TSPOAP1: variants seen among roughly 807,000 people sequenced by gnomAD.
The protein encoded by TSPOAP1 is peripheral-type benzodiazepine receptor-associated protein 1.
TSPOAP1 carries 87 observed loss-of-function variants against 197.0 expected under a neutral mutation model. The ratio of observed to expected loss-of-function variants is 0.44; its 90% CI spans 0.37 to 0.53. TSPOAP1 has a LOEUF of 0.53. Ranked by LOEUF, TSPOAP1 falls within the 20% of genes least tolerant of loss-of-function variation. The pLI, the probability that TSPOAP1 is intolerant of heterozygous loss-of-function variation, is 0.00. For synonymous variants in TSPOAP1, 913 were observed against 998.9 expected, an observed-to-expected ratio of 0.91 and a Z score of 1.62; for missense variants, 2,174 against 2,411.3, an observed-to-expected ratio of 0.90 and a Z score of 2.06.
At position 58,308,840 on chromosome 17, in the gene TSPOAP1, G is replaced by C; in HGVS notation, c.4432C>G (p.Arg1478Gly). ...AGGCCAGGCTCCAGCGCCCGGCCAC[G>C]GGAGCACCTCCGGGAAGGGCCCAGC... ...GRLGPSRRCS[R>G]GRALEPGLAS... is the part of the protein sequence containing the mutation. The change falls in exon 22 of 32, where the codon CGT becomes GGT. Residue 1478 changes from arginine (R) to glycine (G), a missense_variant. Coordinates refer to ENST00000343736, the MANE Select transcript of TSPOAP1 (RefSeq NM_004758.4). 1 of 1,611,462 alleles carries C rather than the reference G, an allele frequency of 6.2e-7. No individual in the cohort carries two copies. Among genetic ancestry groups the C allele is most frequent in the South Asian group, 1.1e-5 (1 of 90,970 alleles).
Position 58,325,617 on chromosome 17 carries a change from C to T in TSPOAP1, c.667G>A (p.Ala223Thr). Reference sequence around the variant, plus strand: ...ATCTGCTTGTCCTTGGCCAGCAGTGCACTGGCTGTCTCACTGAGGTCCCGG... The same window carrying T: ...ATCTGCTTGTCCTTGGCCAGCAGTGTACTGGCTGTCTCACTGAGGTCCCGG... ...RARDLSETAS[A>T]LLAKDKQIAA... The change falls in exon 4 of 32, where the codon GCA (alanine) becomes ACA (threonine). Residue 223 changes from alanine (A) to threonine (T), a missense_variant. By Grantham distance (58) the Ala-to-Thr change is moderately conservative. Transcript: ENST00000343736. 1 of 1,613,670 alleles carries T rather than the reference C, an allele frequency of 6.2e-7. No individual in the cohort carries two copies. Among genetic ancestry groups the T allele is most frequent in the Non-Finnish European group, 8.5e-7 (1 of 1,180,018 alleles).
chr17:58,315,262 G>A (rs1306019404), intron 16 of TSPOAP1, among the ~76,000 whole-genome samples: 1 of 152,214 alleles, frequency 6.6e-6, no homozygotes, highest in Non-Finnish European at 1.5e-5. Context: ...AGCTTCCAGG[G>A]TTACAGATTC....
chr17:58,320,086 G>A (rs771275415), intron 12 of TSPOAP1, 23 bp downstream of exon 12: 3 of 1,614,118 alleles, frequency 1.9e-6, no homozygotes, highest in African/African-American at 2.7e-5. Context: ...AGAGGTGTGG[G>A]GAAGTGGAGA....
intron 12 of TSPOAP1, among the ~76,000 whole-genome samples, chr17:58,319,700 G>A (rs560237005): frequency 1.2e-4 from 19 of 152,318 alleles, no homozygotes; most frequent in African/African-American, 3.8e-4. Flanking sequence ...ACTCAAACCC[G>A]TTCCCTGAGA....
intron 20 of TSPOAP1, 80 bp downstream of exon 20, chr17:58,310,432 C>A: frequency 6.4e-7 from 1 of 1,568,982 alleles, no homozygotes; most frequent in Non-Finnish European, 8.7e-7. Flanking sequence ...GCAGAGAGGG[C>A]AACTGGATTT....
chr17:58,319,034 T>C (rs914115162), intron 13 of TSPOAP1, 56 bp downstream of exon 13: 1 of 1,441,066 alleles, frequency 6.9e-7, no homozygotes, highest in Non-Finnish European at 9.2e-7. Flanking sequence ...CTCCCTGCTC[T>C]ATCCAAAAGC....
In TSPOAP1 at chr17:58,319,173, A is replaced by G. The variant is rs1372747468; in HGVS notation, c.1616T>C (p.Leu539Pro). The change falls in exon 13 of 32, where the codon CTG becomes CCG. Residue 539 changes from leucine to proline, a missense_variant. This residue lies in a region of TSPOAP1 where 1,933 missense variants were observed against 2,139.0 expected (regional missense o/e 0.90). Transcript: ENST00000343736. ...PGPLDLLTSA[L>P]DCGSLGDCPP... ...GCAGTCTCCAAGGCTCCCACAGTCC[A>G]GGGCAGATGTGAGCAGATCCAAGGG... is the stretch of plus-strand genomic sequence containing the variant. 2 of 1,570,946 alleles carry G rather than the reference A, an allele frequency of 1.3e-6. No homozygotes were observed. Among genetic ancestry groups the G allele is most frequent in the Admixed American group, 1.8e-5 (1 of 54,056 alleles).
At chr17:58,308,171 G>T (rs191794274) in intron 22 of TSPOAP1, among the ~76,000 whole-genome samples, 5 of 152,342 alleles carry the variant, frequency 3.3e-5, no homozygotes, top group African/African-American at 1.2e-4. Flanking sequence ...ATGGAGTAGA[G>T]GGGACTGGAG....
Position 58,307,680 on chromosome 17 carries a change from G to A in TSPOAP1, c.4914C>T (p.Pro1638=), listed in dbSNP as rs780942701. 20 of 1,614,040 alleles carry A rather than the reference G, an allele frequency of 1.2e-5. No homozygotes were observed. The Admixed American group carries it at 1.7e-4, about 13-fold the overall frequency. The stretch of plus-strand genomic sequence containing the variant: ...CATCAGGATTGGGCGACATTGACAC[G>A]GGGTCATAGTCAAACAGAGCCACAA... ...RIFVALFDYD[P]VSMSPNPDAG... Residue 1638 remains proline, a synonymous_variant, in exon 24 of 32, where the codon CCC becomes CCT. Coordinates refer to ENST00000343736, the MANE Select transcript of TSPOAP1 (RefSeq NM_004758.4).
At chr17:58,323,195 C>T (rs1275903501) in intron 7 of TSPOAP1, 103 bp downstream of exon 7, 3 of 1,498,246 alleles carry the variant, frequency 2.0e-6, no homozygotes, top group Non-Finnish European at 2.8e-6. Context: ...AAAATGTGTT[C>T]TTGAGGGCAG....
Position 58,327,952 on chromosome 17 carries a change from G to A in TSPOAP1, c.-32C>T, listed in dbSNP as rs749938385. The A allele has an allele frequency of 1.3e-5, 20 of 1,538,986 alleles. No homozygotes were observed. The highest frequency in any genetic ancestry group is 1.2e-4 in the East Asian group (5 of 43,062). ...GCCAAGGGGCCCCAGAACCCGGGCC[G>A]GGGGACATCACCCAGCCAGGTGGGG... is the stretch of plus-strand genomic sequence containing the variant. On this transcript the variant is annotated 5_prime_UTR_variant, in exon 1 of 32. Transcript: ENST00000343736.
Position 58,309,310 on chromosome 17 carries a change from A to G in TSPOAP1, c.3962T>C (p.Leu1321Pro). 6.2e-7 allele frequency: 1 copy of G among 1,613,650 alleles called. No homozygotes were observed. Among genetic ancestry groups the G allele is most frequent in the Non-Finnish European group, 8.5e-7 (1 of 1,179,990 alleles). The change falls in exon 22 of 32, where the codon CTC becomes CCC. Residue 1321 changes from leucine (L) to proline (P), a missense_variant. By Grantham distance (98) the Leu-to-Pro change is moderately conservative. Transcript: ENST00000343736. The surrounding 1 kb of genome is among the most constrained non-coding windows in gnomAD (Gnocchi z 5.0). Reference sequence around the variant, plus strand: ...GAGCTTCTTGCTACAGAACTGCTGGAGGGGCAGCTCCAGGATCTGCTCCAA... The same window carrying G: ...GAGCTTCTTGCTACAGAACTGCTGGGGGGGCAGCTCCAGGATCTGCTCCAA... Reference protein sequence around the residue: ...EILEQILELPLQQFCSKKLFS... With the variant: ...EILEQILELPPQQFCSKKLFS...
rs61743284 is a variant in TSPOAP1, at chr17:58,327,685, C to T, written c.236G>A (p.Gly79Glu). 0.023 allele frequency: 36,480 copies of T among 1,613,940 alleles called. 508 individuals are homozygous for T. The highest frequency in any genetic ancestry group is 0.037 in the Middle Eastern group (224 of 6,062). Residue 79 changes from glycine to glutamate, a missense_variant, in exon 1 of 32, where the codon GGA (glycine) becomes GAA (glutamate). Coordinates refer to ENST00000343736, the MANE Select transcript of TSPOAP1 (RefSeq NM_004758.4). ...SRPVGGTDPE[G>E]AEACLPSLGQ... ...CAGGCTGGGCAGACAAGCCTCTGCT[C>T]CTTCAGGGTCAGTTCCCCCCACGGG...
At chr17:58,318,999 G>C in intron 13 of TSPOAP1, 91 bp downstream of exon 13, 1 of 1,345,890 alleles carries the variant, frequency 7.4e-7, no homozygotes, top group African/African-American at 1.5e-5. Flanking sequence ...CTTTGGATGA[G>C]TTGCTGGCCT....
Position 58,308,874 on chromosome 17 carries a change from C to G in TSPOAP1, c.4398G>C (p.Gly1466=), listed in dbSNP as rs758149866. ...TCCGGGAAGGGCCCAGCCGGCCTCT[C>G]CCGCTAGCCTCTAGTCCAGTCCTGG... ...EGPRTGLEAS[G]RGRLGPSRRC... Residue 1466 remains glycine, a synonymous_variant, in exon 22 of 32, where the codon GGG becomes GGC. Transcript: ENST00000343736. 1.2e-6 allele frequency: 2 copies of G among 1,604,836 alleles called. No individual in the cohort carries two copies. The highest frequency in any genetic ancestry group is 1.7e-6 in the Non-Finnish European group (2 of 1,174,784).
At chr17:58,313,400 C>T (rs1971128095) in intron 16 of TSPOAP1, among the ~76,000 whole-genome samples, 1 of 152,018 alleles carries the variant, frequency 6.6e-6, no homozygotes, top group African/African-American at 2.4e-5. Flanking sequence ...ATCGCTTGAG[C>T]CCAGGAGTTT....
rs754192309 is a variant in TSPOAP1 at position 58,308,660 on chromosome 17, C to G, written c.4612G>C (p.Gly1538Arg). ...WGTATVGRPRGPPKANSGPKP... is the reference protein window; with the variant it reads ...WGTATVGRPRRPPKANSGPKP... The stretch of plus-strand genomic sequence containing the variant: ...GGGCCTGAATTGGCCTTCGGAGGCC[C>G]CCTGGGCCTTCCTACAGTTGCTGTG... Residue 1538 changes from glycine (G) to arginine (R), a missense_variant, in exon 22 of 32, where the codon GGG (glycine) becomes CGG (arginine). This residue lies in a region of TSPOAP1 where 1,933 missense variants were observed against 2,139.0 expected (regional missense o/e 0.90). Coordinates refer to ENST00000343736, the MANE Select transcript of TSPOAP1 (RefSeq NM_004758.4). The G allele has an allele frequency of 6.2e-7, 1 of 1,612,176 alleles. No homozygotes were observed. The highest frequency in any genetic ancestry group is 8.5e-7 in the Non-Finnish European group (1 of 1,179,332).
chr17:58,320,655 G>A lies in TSPOAP1; in HGVS notation c.1423-74C>T, dbSNP rs989366160. On this transcript the variant is annotated intron_variant, in intron 10 of 31. Transcript: ENST00000343736. ...GTGGAGTAGAGAGGGCTGCGAGGGAGGAAGGGTAGAAAGGACAGAGGCAGG... is the reference window on the plus strand; with the variant it reads ...GTGGAGTAGAGAGGGCTGCGAGGGAAGAAGGGTAGAAAGGACAGAGGCAGG... The A allele has an allele frequency of 1.0e-5, 12 of 1,196,990 alleles. No individual in the cohort carries two copies. The African/African-American group carries it at 1.3e-4, about 13-fold the overall frequency. 74.1% of individuals were successfully genotyped at this position (1,196,990 alleles called of 1,614,324 possible). A position where few individuals can be genotyped will look rare whatever the true frequency, so the allele number is the denominator to read the frequency against.
At chr17:58,307,789 A>G (rs1255228301) in intron 23 of TSPOAP1, 27 bp from the exon 24 acceptor site, 2 of 1,613,586 alleles carry the variant, frequency 1.2e-6, no homozygotes, top group African/African-American at 2.7e-5. Flanking sequence ...GAGGGCGGTG[A>G]CGCAGCGAGC....
Sources: gnomAD v4.1 joint callset for allele counts (sites outside exome capture counted in the v4.1 genomes callset) on GRCh38, gnomAD v4.1.1 for gene constraint, gnomAD v4.1.1 regional missense constraint, Gnocchi (gnomAD v3.1) non-coding constraint, MANE v1.5 for transcripts, NCBI Gene and HGNC (gene_info 2026-07-23, HGNC 2026-07-21) for gene names.